Variants in KCNT2 observed in about 807,000 individuals in gnomAD.
The protein encoded by KCNT2 is potassium channel subfamily T member 2.
KCNT2 carries 67 observed loss-of-function variants against 153.8 expected under a neutral mutation model. The ratio of observed to expected loss-of-function variants is 0.44; its 90% CI spans 0.36 to 0.53. KCNT2 has a LOEUF of 0.53. KCNT2 is among the 20% of genes least tolerant of loss of function. The pLI, the probability that KCNT2 is intolerant of heterozygous loss-of-function variation, is 0.00. For missense variants in KCNT2, 975 were observed against 1,354.8 expected (o/e 0.72, Z 4.40); for synonymous variants, 500 against 458.8 (o/e 1.09, Z -1.15).
chr1:196,453,740 A>T (rs182799078), intron 8 of KCNT2, among the ~76,000 whole-genome samples: 374 of 152,048 alleles, frequency 2.5e-3, no homozygotes, highest in Non-Finnish European at 4.5e-3. Context: ...ACTATCTGAA[A>T]TTTACCTCCC....
chr1:196,416,006 AC>A (rs1413376503), intron 12 of KCNT2, among the ~76,000 whole-genome samples: 1 of 152,042 alleles, frequency 6.6e-6, no homozygotes, highest in Non-Finnish European at 1.5e-5. Context: ...CTAGAAAAAA[AC>A]AATTTATAAG....
intron 22 of KCNT2, among the ~76,000 whole-genome samples, chr1:196,292,727 A>T (rs1202428676): frequency 6.7e-6 from 1 of 150,202 alleles, no homozygotes; most frequent in Non-Finnish European, 1.5e-5. Context: ...GAATGGCGTG[A>T]ACCCGGGAGG....
At chr1:196,344,178 T>C (rs1289111909) in intron 14 of KCNT2, among the ~76,000 whole-genome samples, 1 of 152,134 alleles carries the variant, frequency 6.6e-6, no homozygotes, top group African/African-American at 2.4e-5. Flanking sequence ...TAAAATGAGG[T>C]AACACAAAGA....
intron 20 of KCNT2, 100 bp downstream of exon 20, chr1:196,319,384 T>C (rs113782635): frequency 1.6e-6 from 1 of 638,098 alleles, no homozygotes; most frequent in Non-Finnish European, 2.7e-6. Context: ...TTTGCAATAC[T>C]GACACGGCAA....
chr1:196,316,315 G>A (rs961273298), intron 20 of KCNT2, among the ~76,000 whole-genome samples: 5 of 151,324 alleles, frequency 3.3e-5, no homozygotes, highest in African/African-American at 4.8e-5. Flanking sequence ...CATGAAATAT[G>A]GAATACATCC....
At chr1:196,353,253 A>C (rs142394159) in intron 14 of KCNT2, among the ~76,000 whole-genome samples, 46 of 152,100 alleles carry the variant, frequency 3.0e-4, no homozygotes, top group African/African-American at 1.1e-3. Context: ...TTCCTACTGC[A>C]GGCAGACATC....
At chr1:196,581,520 T>C (rs528979250) in intron 1 of KCNT2, among the ~76,000 whole-genome samples, 1 of 152,140 alleles carries the variant, frequency 6.6e-6, no homozygotes, top group East Asian at 1.9e-4. Context: ...CTGTCCCTTA[T>C]TCCCTGAGGC....
intron 23 of KCNT2, among the ~76,000 whole-genome samples, chr1:196,282,993 C>G (rs1030358021): frequency 6.6e-6 from 1 of 152,122 alleles, no homozygotes; most frequent in Non-Finnish European, 1.5e-5. Flanking sequence ...GACAGGCATG[C>G]GCCATGGCGC....
chr1:196,277,885 A>T (rs191460480), intron 25 of KCNT2, among the ~76,000 whole-genome samples: 1 of 152,074 alleles, frequency 6.6e-6, no homozygotes, highest in Non-Finnish European at 1.5e-5. Context: ...ACAAAAAAAA[A>T]CCTCAATGTC....
chr1:196,537,618 C>T (rs1317453369), intron 1 of KCNT2, among the ~76,000 whole-genome samples: 1 of 152,198 alleles, frequency 6.6e-6, no homozygotes, highest in African/African-American at 2.4e-5. Context: ...ACACCCCTAC[C>T]TGGTTGCAGC....
chr1:196,374,584 T>C (rs1208716743), intron 13 of KCNT2, among the ~76,000 whole-genome samples: 1 of 151,808 alleles, frequency 6.6e-6, no homozygotes, highest in African/African-American at 2.4e-5. Context: ...GTTTTTGAAA[T>C]ACATAACCAG....
At chr1:196,550,305 T>A (rs1328618041) in intron 1 of KCNT2, among the ~76,000 whole-genome samples, 1 of 151,886 alleles carries the variant, frequency 6.6e-6, no homozygotes, top group Non-Finnish European at 1.5e-5. Flanking sequence ...CTGGCAAATT[T>A]ATTTGAAAAA....
chr1:196,319,467 A>G lies in KCNT2; in HGVS notation c.2348+17T>C. ...GGACACTACACTAGTTAGTGTGCCA[A>G]AGATTTTGTCACCTACTTGTCAATA... On this transcript the variant is annotated intron_variant, in intron 20 of 27. Transcript: ENST00000294725. 1 of 1,596,280 alleles carries G rather than the reference A, an allele frequency of 6.3e-7. No individual in the cohort carries two copies. Among genetic ancestry groups the G allele is most frequent in the Non-Finnish European group, 8.6e-7 (1 of 1,165,028 alleles).
intron 5 of KCNT2, among the ~76,000 whole-genome samples, chr1:196,475,355 C>T (rs900994461): frequency 6.6e-6 from 1 of 152,088 alleles, no homozygotes; most frequent in Non-Finnish European, 1.5e-5. Flanking sequence ...TGGCTCATGC[C>T]TATAATCCCA....
intron 4 of KCNT2, among the ~76,000 whole-genome samples, chr1:196,480,594 G>T (rs539114232): frequency 6.6e-6 from 1 of 151,974 alleles, no homozygotes; most frequent in Non-Finnish European, 1.5e-5. Context: ...AGTAGTTCAC[G>T]TCTGTAATCC....
At chr1:196,510,776 C>A (rs532280814) in intron 1 of KCNT2, among the ~76,000 whole-genome samples, 1 of 152,286 alleles carries the variant, frequency 6.6e-6, no homozygotes, top group Non-Finnish European at 1.5e-5. Context: ...CAAATAGCCA[C>A]CTTGTGTGAG....
At chr1:196,350,493 C>T (rs1231936904) in intron 14 of KCNT2, among the ~76,000 whole-genome samples, 1 of 152,160 alleles carries the variant, frequency 6.6e-6, no homozygotes, top group Non-Finnish European at 1.5e-5. Flanking sequence ...CTTTTGGCTG[C>T]ATAAATGTCT....
chr1:196,228,324 C>G lies in KCNT2; in HGVS notation c.3308G>C (p.Arg1103Pro). The G allele has an allele frequency of 6.3e-7, 1 of 1,589,618 alleles. No individual in the cohort carries two copies. The highest frequency in any genetic ancestry group is 8.6e-7 in the Non-Finnish European group (1 of 1,160,560). ...TGGAAGGTAGGCCAGTGGATCTGGT[C>G]GAATTAAGTATCTAATAAAAGAAAA... ...IELNDVVYLI[R>P]PDPLAYLPNS... The change falls in exon 28 of 28, where the codon CGA (arginine) becomes CCA (proline). Residue 1103 changes from arginine (R) to proline (P), a missense_variant. Arg to Pro is a moderately radical substitution (Grantham distance 103, BLOSUM62 -2). Transcript: ENST00000294725.
chr1:196,524,899 A>T (rs1291231746), intron 1 of KCNT2, among the ~76,000 whole-genome samples: 1 of 152,180 alleles, frequency 6.6e-6, no homozygotes, highest in Non-Finnish European at 1.5e-5. Context: ...ATAAATCACT[A>T]GGTTTTGACT....
Sources: gnomAD v4.1 joint callset for allele counts (sites outside exome capture counted in the v4.1 genomes callset) on GRCh38, gnomAD v4.1.1 for gene constraint, MANE v1.5 for transcripts, NCBI Gene and HGNC (gene_info 2026-07-23, HGNC 2026-07-21) for gene names.